The following CYP2J2 variants were observed in gnomAD, a reference collection of about 807,000 sequenced individuals.
The protein encoded by CYP2J2 is cytochrome P450 family 2 subfamily J member 2.
A neutral mutation model predicts 48.8 loss-of-function variants in CYP2J2; 41 were observed. The observed-to-expected ratio is 0.84, with a 90% CI of 0.66 to 1.09. The LOEUF (loss-of-function observed/expected upper bound fraction) is 1.09. CYP2J2 is among the 50% of genes least tolerant of loss of function. The pLI is 0.00. For synonymous variants in CYP2J2, 221 were observed against 227.1 expected, an observed-to-expected ratio of 0.97 and a Z score of 0.24; for missense variants, 644 against 617.3, an observed-to-expected ratio of 1.04 and a Z score of -0.46.
chr1:59,942,018 C>T, the CYP2J2 span, among the ~76,000 whole-genome samples: 7 of 152,142 alleles, frequency 4.6e-5, no homozygotes, highest in Non-Finnish European at 4.4e-5. Context: ...CCCAGAACAA[C>T]GTTCAGTGTT....
At chr1:59,941,439 C>T in the CYP2J2 span, among the ~76,000 whole-genome samples, 1 of 152,148 alleles carries the variant, frequency 6.6e-6, no homozygotes, top group African/African-American at 2.4e-5. Flanking sequence ...ATGTACAGTA[C>T]ATAATGCTTG....
the CYP2J2 span, among the ~76,000 whole-genome samples, chr1:59,932,675 G>A: frequency 6.6e-6 from 1 of 151,466 alleles, no homozygotes; most frequent in Non-Finnish European, 1.5e-5. Flanking sequence ...ATAAATGAAA[G>A]TAAGATAAAT....
chr1:59,901,422 T>A (rs1644319098), intron 7 of CYP2J2, among the ~76,000 whole-genome samples: 1 of 152,152 alleles, frequency 6.6e-6, no homozygotes, highest in South Asian at 2.1e-4. Context: ...AATGCACTGA[T>A]GAGAGAATAA....
chr1:59,898,919 T>C (rs1293334836), intron 8 of CYP2J2, among the ~76,000 whole-genome samples: 1 of 152,198 alleles, frequency 6.6e-6, no homozygotes, highest in Non-Finnish European at 1.5e-5. Context: ...CCATGTATAG[T>C]TTTTAAAAAG....
At chr1:59,945,537 T>C in the CYP2J2 span, among the ~76,000 whole-genome samples, 1 of 152,198 alleles carries the variant, frequency 6.6e-6, no homozygotes. Flanking sequence ...TGTCTACTTA[T>C]ATGCTAATAT....
the CYP2J2 span, among the ~76,000 whole-genome samples, chr1:59,963,700 T>TA: frequency 1.3e-5 from 2 of 152,118 alleles, no homozygotes; most frequent in African/African-American, 2.4e-5. Context: ...CATCTTGAAA[T>TA]AAAAAATACA....
intron 2 of CYP2J2, among the ~76,000 whole-genome samples, chr1:59,915,324 TGAG>T (rs11572246): frequency 2.8e-4 from 42 of 152,214 alleles, no homozygotes; most frequent in African/African-American, 9.6e-4. Context: ...TTGTCCCACT[TGAG>T]GAGAAATACC....
Position 59,893,726 on chromosome 1 carries a change from C to T in CYP2J2, c.1434G>A (p.Lys478=), listed in dbSNP as rs1382746113. The change falls in exon 9 of 9, where the codon AAG becomes AAA. Residue 478 remains lysine, a synonymous_variant. Transcript: ENST00000371204. ...KFTFRPPNNE[K]LSLKFRMGIT... ...TACCCATTCTAAACTTCAGGCTCAG[C>T]TTCTCATTGTTTGGGGGCCTGAAGG... 4.3e-6 allele frequency: 7 copies of T among 1,613,272 alleles called. No individual in the cohort carries two copies. The highest frequency in any genetic ancestry group is 5.9e-6 in the Non-Finnish European group (7 of 1,179,656).
rs375283251 is a variant in CYP2J2, at chr1:59,917,378, T to C, written c.211-1278A>G. Among the ~76,000 whole-genome samples, 108 of 152,318 alleles carry C rather than the reference T, an allele frequency of 7.1e-4. No homozygotes were observed. In the South Asian group the frequency reaches 0.011, roughly 16 times the overall value. ...CAGCCATTGCTAAGCACCTTTCATA[T>C]TTTATCTCATTAATCTCACAACCAC... is the stretch of plus-strand genomic sequence containing the variant. On this transcript the variant is annotated intron_variant, in intron 1 of 8. Transcript: ENST00000371204.
chr1:59,911,858 C>G (rs1186326371), intron 3 of CYP2J2, 90 bp from the exon 4 acceptor site: 1 of 1,306,986 alleles, frequency 7.7e-7, no homozygotes, highest in Non-Finnish European at 1.1e-6. Context: ...ATAAGACATA[C>G]CTAGTGCAGA....
At chr1:59,922,381 C>T (rs1247466477) in intron 1 of CYP2J2, among the ~76,000 whole-genome samples, 2 of 152,164 alleles carry the variant, frequency 1.3e-5, no homozygotes, top group Non-Finnish European at 2.9e-5. Flanking sequence ...TATGTAAGAT[C>T]TATTAGTTAG....
At chr1:59,963,860 G>A in the CYP2J2 span, among the ~76,000 whole-genome samples, 1 of 151,766 alleles carries the variant, frequency 6.6e-6, no homozygotes. Context: ...TAGACACTGG[G>A]GTTTAACAAA....
At chr1:59,961,038 T>G in the CYP2J2 span, among the ~76,000 whole-genome samples, 1 of 152,180 alleles carries the variant, frequency 6.6e-6, no homozygotes. Context: ...ATAAAACTCT[T>G]TGAAGAAAAC....
chr1:59,947,388 C>T, the CYP2J2 span, among the ~76,000 whole-genome samples: 3 of 152,148 alleles, frequency 2.0e-5, no homozygotes, highest in African/African-American at 7.2e-5. Flanking sequence ...AGAAAAAGTG[C>T]ATTCCCCTTA....
chr1:59,906,068 C>A (rs1269526457), intron 6 of CYP2J2, among the ~76,000 whole-genome samples: 1 of 152,152 alleles, frequency 6.6e-6, no homozygotes, highest in Non-Finnish European at 1.5e-5. Context: ...CGCCTGTAGT[C>A]CCAGCTACTC....
At chr1:59,967,677 C>T in the CYP2J2 span, among the ~76,000 whole-genome samples, 2 of 152,238 alleles carry the variant, frequency 1.3e-5, no homozygotes, top group African/African-American at 4.8e-5. Flanking sequence ...CCTCTGCCTC[C>T]TGTGTCTCAG....
chr1:59,907,928 C>T lies in CYP2J2; in HGVS notation c.862-1G>A, dbSNP rs778302082. On this transcript the variant is annotated splice_acceptor_variant, in intron 5 of 8. Coordinates refer to ENST00000371204, the MANE Select transcript of CYP2J2 (RefSeq NM_000775.4). LOFTEE classifies it high-confidence loss of function. ...AACTTGAAGTAGGATTGCCTGTGTG[C>T]TAGAAAACACAATGTTTGATGTTAT... The T allele has an allele frequency of 1.2e-6, 2 of 1,613,788 alleles. No individual in the cohort carries two copies. The highest frequency in any genetic ancestry group is 1.1e-5 in the South Asian group (1 of 91,062).
In CYP2J2 at chr1:59,909,950, A is replaced by G; in HGVS notation, c.695T>C (p.Val232Ala). 6.2e-7 allele frequency: 1 copy of G among 1,605,334 alleles called. No homozygotes were observed. The change falls in exon 5 of 9, where the codon GTC becomes GCC. Residue 232 changes from valine to alanine, a missense_variant. Val to Ala is a moderately conservative substitution (Grantham distance 64). Transcript: ENST00000371204. Reference sequence around the variant, plus strand: ...CAGGAATTTCATTATCCATGGAAAGACATTGTAGAGCTAATTGAGAAAAAC... The same window carrying G: ...CAGGAATTTCATTATCCATGGAAAGGCATTGTAGAGCTAATTGAGAAAAAC... ...EASKTCQLYN[V>A]FPWIMKFLPG... is the part of the protein sequence containing the mutation.
chr1:59,910,763 C>T (rs972648692), intron 4 of CYP2J2, among the ~76,000 whole-genome samples: 37 of 152,028 alleles, frequency 2.4e-4, no homozygotes, highest in Non-Finnish European at 5.3e-4. Context: ...TCTCCCCCCT[C>T]CCCCCAGCTC....
Sources: allele counts gnomAD v4.1 joint callset (sites outside exome capture counted in the v4.1 genomes callset), GRCh38; gene constraint gnomAD v4.1.1; transcripts MANE v1.5; gene names NCBI Gene and HGNC (gene_info 2026-07-23, HGNC 2026-07-21).